The following SLC25A27 variants were observed in gnomAD, a reference collection of about 807,000 sequenced individuals.
SLC25A27 encodes the protein solute carrier family 25 member 27, also known as mitochondrial uncoupling protein 4.
SLC25A27 carries 35 observed loss-of-function variants against 49.1 expected under a neutral mutation model. The observed-to-expected ratio is 0.71, with a 90% confidence interval of 0.54 to 0.95. The LOEUF is 0.95. SLC25A27 is among the 40% of genes least tolerant of loss of function. SLC25A27 has a pLI of 0.00. For missense variants in SLC25A27, 339 were observed against 397.1 expected, an observed-to-expected ratio of 0.85 and a Z score of 1.24; for synonymous variants, 144 against 136.9, an observed-to-expected ratio of 1.05 and a Z score of -0.36.
rs183433534 is a variant in SLC25A27, at chr6:46,656,242, G to A, written c.298+208G>A. ...GTCGCCCAGGCTGTAGTGCAGTGGC[G>A]CCATCTCAGCTCACTGCAACCTCTG... On this transcript the variant is annotated intron_variant, in intron 2 of 8. Coordinates refer to ENST00000371347, the MANE Select transcript of SLC25A27 (RefSeq NM_004277.5). Among the ~76,000 whole-genome samples the A allele has an allele frequency of 9.6e-3, 1,457 of 151,668 alleles. 65 individuals carry two copies. The highest frequency in any genetic ancestry group is 0.077 in the Admixed American group (1,172 of 15,216).
chr6:46,659,131 C>A, intron 3 of SLC25A27, 85 bp downstream of exon 3: 1 of 866,430 alleles, frequency 1.2e-6, no homozygotes, highest in Non-Finnish European at 1.9e-6. Context: ...CATTTGTACC[C>A]AAATTGCCTT....
At chr6:46,655,391 G>A (rs1223085690) in intron 1 of SLC25A27, among the ~76,000 whole-genome samples, 1 of 152,062 alleles carries the variant, frequency 6.6e-6, no homozygotes, top group Admixed American at 6.5e-5. Flanking sequence ...AATCATGGCT[G>A]CAGTCAAGAG....
At chr6:46,667,028 A>G (rs1763348681) in intron 5 of SLC25A27, among the ~76,000 whole-genome samples, 1 of 152,120 alleles carries the variant, frequency 6.6e-6, no homozygotes, top group Non-Finnish European at 1.5e-5. Context: ...AGGCCTTCTA[A>G]CTAGTCTTTC....
chr6:46,665,754 T>C (rs977881368), intron 5 of SLC25A27, among the ~76,000 whole-genome samples: 4 of 152,184 alleles, frequency 2.6e-5, no homozygotes, highest in Admixed American at 1.3e-4. Context: ...TGACCATTTC[T>C]ACACCACTAG....
intron 1 of SLC25A27, among the ~76,000 whole-genome samples, chr6:46,655,451 A>G (rs1762939248): frequency 1.3e-5 from 2 of 151,922 alleles, no homozygotes; most frequent in East Asian, 3.9e-4. Flanking sequence ...AAAAGCAAAA[A>G]TTAATGACTA....
At chr6:46,667,836 T>C (rs934237658) in intron 5 of SLC25A27, among the ~76,000 whole-genome samples, 1 of 152,246 alleles carries the variant, frequency 6.6e-6, no homozygotes, top group Non-Finnish European at 1.5e-5. Context: ...CCATGTAGTT[T>C]ACTTTATTGT....
At position 46,653,154 on chromosome 6, in the gene SLC25A27, G is replaced by T; in HGVS notation, c.-39G>T. On this transcript the variant is annotated 5_prime_UTR_variant, in exon 1 of 9. Transcript: ENST00000371347. Reference sequence around the variant, plus strand: ...CCGCCGCGGCGCGGTGCAGCGCAGCGGCGAGAAGGAGTGCGTTATCGTCTT... The same window carrying T: ...CCGCCGCGGCGCGGTGCAGCGCAGCTGCGAGAAGGAGTGCGTTATCGTCTT... 1 of 1,577,764 alleles carries T rather than the reference G, an allele frequency of 6.3e-7. No homozygotes were observed. Among genetic ancestry groups the T allele is most frequent in the Admixed American group, 1.7e-5 (1 of 58,826 alleles).
Position 46,662,387 on chromosome 6 carries a change from T to C in SLC25A27, c.395T>C (p.Ile132Thr), listed in dbSNP as rs1763189677. The part of the protein sequence containing the change: ...DEHYPLWKSV[I>T]GGMMAGVIGQ... ...CCTTCTGCAATTAGGAAATCAGTCA[T>C]TGGAGGGATGATGGCTGGTGTTATT... Residue 132 changes from isoleucine (I) to threonine (T), a missense_variant, in exon 4 of 9, where the codon ATT (isoleucine) becomes ACT (threonine). Physicochemically the swap from Ile to Thr is moderately conservative, Grantham distance 89. Coordinates refer to ENST00000371347, the MANE Select transcript of SLC25A27 (RefSeq NM_004277.5). 6.2e-7 allele frequency: 1 copy of C among 1,613,700 alleles called. No homozygotes were observed. The highest frequency in any genetic ancestry group is 1.3e-5 in the African/African-American group (1 of 74,932).
chr6:46,659,135 T>G, intron 3 of SLC25A27, 89 bp downstream of exon 3: 1 of 834,878 alleles, frequency 1.2e-6, no homozygotes. Flanking sequence ...TGTACCCAAA[T>G]TGCCTTAAGT....
At chr6:46,662,841 G>A (rs1363593887) in intron 4 of SLC25A27, among the ~76,000 whole-genome samples, 1 of 152,188 alleles carries the variant, frequency 6.6e-6, no homozygotes, top group Non-Finnish European at 1.5e-5. Flanking sequence ...TGTTGTGGAA[G>A]TCACTTAACA....
intron 5 of SLC25A27, among the ~76,000 whole-genome samples, 191 bp downstream of exon 5, chr6:46,665,077 G>A (rs996176129): frequency 6.6e-6 from 1 of 152,246 alleles, no homozygotes; most frequent in African/African-American, 2.4e-5. Context: ...ATTCTATAGT[G>A]ATGTATGAAA....
chr6:46,667,963 T>G (rs1044173373), intron 5 of SLC25A27, among the ~76,000 whole-genome samples: 4 of 152,216 alleles, frequency 2.6e-5, no homozygotes, highest in African/African-American at 4.8e-5. Flanking sequence ...CCCCATACTT[T>G]AGTGTGGGTT....
chr6:46,666,780 C>A (rs947724008), intron 5 of SLC25A27, among the ~76,000 whole-genome samples: 1 of 152,040 alleles, frequency 6.6e-6, no homozygotes, highest in Non-Finnish European at 1.5e-5. Flanking sequence ...TCACACCATT[C>A]TTTCTACATT....
intron 4 of SLC25A27, among the ~76,000 whole-genome samples, chr6:46,663,685 G>A (rs1173186162): frequency 5.3e-5 from 8 of 151,864 alleles, no homozygotes; most frequent in Middle Eastern, 3.4e-3. Context: ...TGCACCTAAT[G>A]TAGTACACTT....
chr6:46,667,650 T>A (rs897163223), intron 5 of SLC25A27, among the ~76,000 whole-genome samples: 2 of 152,100 alleles, frequency 1.3e-5, no homozygotes, highest in Non-Finnish European at 2.9e-5. Flanking sequence ...AGGGTTGTTT[T>A]CTCATGCTTT....
At chr6:46,667,546 C>T (rs1356806668) in intron 5 of SLC25A27, among the ~76,000 whole-genome samples, 1 of 152,222 alleles carries the variant, frequency 6.6e-6, no homozygotes, top group African/African-American at 2.4e-5. Context: ...GCCCAGTCTT[C>T]TGGCTGTTCC....
At chr6:46,656,127 T>C in intron 2 of SLC25A27, 93 bp downstream of exon 2, 2 of 1,005,078 alleles carry the variant, frequency 2.0e-6, no homozygotes, top group Non-Finnish European at 2.9e-6. Context: ...TTAGTTTTTT[T>C]ATCTTACTGA....
intron 6 of SLC25A27, among the ~76,000 whole-genome samples, chr6:46,669,748 C>A (rs1323452270): frequency 6.6e-6 from 1 of 152,196 alleles, no homozygotes; most frequent in African/African-American, 2.4e-5. Context: ...CCGGAGCTTT[C>A]CCTGACTGCC....
At chr6:46,659,951 G>A (rs543465042) in intron 3 of SLC25A27, among the ~76,000 whole-genome samples, 41 of 151,584 alleles carry the variant, frequency 2.7e-4, no homozygotes, top group South Asian at 2.3e-3. Flanking sequence ...CATCTAACTC[G>A]TCTCCTCCTC....
Sources: allele counts gnomAD v4.1 joint callset (sites outside exome capture counted in the v4.1 genomes callset), GRCh38; gene constraint gnomAD v4.1.1; transcripts MANE v1.5; gene names NCBI Gene and HGNC (gene_info 2026-07-23, HGNC 2026-07-21).